CLEC16A: variants seen among roughly 807,000 people sequenced by gnomAD.
CLEC16A encodes C-type lectin domain containing 16A.
CLEC16A carries 51 observed loss-of-function variants against 109.5 expected under a neutral mutation model. That is an observed-to-expected ratio of 0.47 (90% CI 0.37 to 0.59). The LOEUF (loss-of-function observed/expected upper bound fraction) is 0.59. Among genes scored for constraint, CLEC16A ranks in the 20% least tolerant of loss-of-function variants. The probability of loss-of-function intolerance (pLI) is 0.00; values close to 1 mark genes in which losing one functional copy is unlikely to be tolerated. For missense variants in CLEC16A, 1,339 were observed against 1,394.0 expected, an observed-to-expected ratio of 0.96 and a Z score of 0.63; for synonymous variants, 673 against 564.2, an observed-to-expected ratio of 1.19 and a Z score of -2.73.
chr16:11,014,886 G>A (rs1430302966), intron 11 of CLEC16A, among the ~76,000 whole-genome samples: 1 of 152,204 alleles, frequency 6.6e-6, no homozygotes, highest in Non-Finnish European at 1.5e-5. Context: ...GCACTATGAG[G>A]AGGTTCCCTG....
intron 19 of CLEC16A, among the ~76,000 whole-genome samples, chr16:11,081,917 A>C (rs1185231705): frequency 6.6e-6 from 1 of 152,222 alleles, no homozygotes; most frequent in Non-Finnish European, 1.5e-5. Flanking sequence ...CTGTAGTCCC[A>C]GCTACTTGGG....
At chr16:11,005,450 T>C (rs1209178559) in intron 11 of CLEC16A, among the ~76,000 whole-genome samples, 1 of 152,208 alleles carries the variant, frequency 6.6e-6, no homozygotes, top group Admixed American at 6.5e-5. Flanking sequence ...CAGTTGGTGC[T>C]TCAGGGCTCA....
rs541772696 is a variant in CLEC16A at position 11,065,715 on chromosome 16, G to A, written c.2116+4693G>A. On this transcript the variant is annotated intron_variant, in intron 19 of 23. Coordinates refer to ENST00000409790, the MANE Select transcript of CLEC16A (RefSeq NM_015226.3). The stretch of plus-strand genomic sequence containing the variant: ...TGGGCTGGTTAGGGAAGGCCTCTCT[G>A]AAGAGGTGCTGTGCCAGGAGGGACC... Among the ~76,000 whole-genome samples the A allele has an allele frequency of 2.0e-5, 3 of 152,370 alleles. No homozygotes were observed. In the South Asian group the frequency reaches 6.2e-4, roughly 32 times the overall value.
At chr16:11,026,942 T>C (rs2046439767) in intron 13 of CLEC16A, 15 of 1,203,696 alleles carry the variant, frequency 1.2e-5, no homozygotes, top group South Asian at 3.8e-5. Context: ...AACAGACGTC[T>C]CTATGGTCAA....
chr16:11,060,783 C>G (rs1040219301), intron 18 of CLEC16A, 119 bp from the exon 19 acceptor site: 6 of 1,060,160 alleles, frequency 5.7e-6, no homozygotes, highest in African/African-American at 5.0e-5. Context: ...AAGAGGTGGG[C>G]TTTATTGCGT....
At chr16:10,990,636 G>C (rs1317983479) in intron 10 of CLEC16A, among the ~76,000 whole-genome samples, 1 of 152,244 alleles carries the variant, frequency 6.6e-6, no homozygotes, top group Non-Finnish European at 1.5e-5. Flanking sequence ...GGAGGCAGAT[G>C]GGGAAGAAGC....
At chr16:11,033,174 A>G (rs1394553152) in intron 13 of CLEC16A, among the ~76,000 whole-genome samples, 3 of 152,142 alleles carry the variant, frequency 2.0e-5, no homozygotes, top group Non-Finnish European at 2.9e-5. Flanking sequence ...GGTCGAGTGA[A>G]AGGGACGAGT....
chr16:11,105,098 A>G (rs932204465), intron 19 of CLEC16A, among the ~76,000 whole-genome samples: 15 of 152,232 alleles, frequency 9.9e-5, no homozygotes, highest in African/African-American at 3.6e-4. Flanking sequence ...AATTTTATTT[A>G]CTCATGCTAA....
chr16:11,173,508 G>A (rs146049091), intron 23 of CLEC16A, among the ~76,000 whole-genome samples: 1,549 of 152,244 alleles, frequency 0.01, 23 homozygotes, highest in African/African-American at 0.034. Context: ...TCAAAGGCAC[G>A]GGTCACCAAG....
At chr16:11,043,249 T>C (rs879709886) in intron 15 of CLEC16A, among the ~76,000 whole-genome samples, 2 of 151,864 alleles carry the variant, frequency 1.3e-5, no homozygotes, top group Non-Finnish European at 2.9e-5. Context: ...TGAGACCCTA[T>C]CTCTAAAAAA....
intron 1 of CLEC16A, among the ~76,000 whole-genome samples, chr16:10,950,411 C>T (rs933545692): frequency 7.9e-5 from 12 of 152,182 alleles, no homozygotes; most frequent in Non-Finnish European, 1.0e-4. Flanking sequence ...GCTTGTTCTC[C>T]CCAGTTTAGT....
At chr16:11,029,179 T>G (rs1192514176) in intron 13 of CLEC16A, among the ~76,000 whole-genome samples, 5 of 152,186 alleles carry the variant, frequency 3.3e-5, no homozygotes, top group Admixed American at 3.3e-4. Flanking sequence ...AGCCTTCAGT[T>G]TAGGGCTAAC....
chr16:11,006,700 G>A (rs1208303497), intron 11 of CLEC16A, among the ~76,000 whole-genome samples: 1 of 152,170 alleles, frequency 6.6e-6, no homozygotes, highest in East Asian at 1.9e-4. Context: ...GCATTAGTGT[G>A]TATTGTTTTG....
At chr16:11,056,065 A>G (rs1477559160) in intron 18 of CLEC16A, among the ~76,000 whole-genome samples, 1 of 152,230 alleles carries the variant, frequency 6.6e-6, no homozygotes, top group Non-Finnish European at 1.5e-5. Flanking sequence ...AGGGAAATTC[A>G]TGTTGAAATG....
intron 19 of CLEC16A, among the ~76,000 whole-genome samples, chr16:11,090,992 G>A (rs1258566492): frequency 6.6e-6 from 1 of 151,822 alleles, no homozygotes; most frequent in Non-Finnish European, 1.5e-5. Flanking sequence ...TTGAGATGAG[G>A]TCTCACTACG....
intron 11 of CLEC16A, among the ~76,000 whole-genome samples, chr16:11,004,089 G>A (rs1340027338): frequency 3.9e-5 from 6 of 152,086 alleles, no homozygotes; most frequent in East Asian, 3.9e-4. Context: ...AGGTGCACTC[G>A]TGTGTAGTAC....
intron 13 of CLEC16A, among the ~76,000 whole-genome samples, chr16:11,032,784 G>A (rs2046817982): frequency 6.6e-6 from 1 of 152,214 alleles, no homozygotes; most frequent in African/African-American, 2.4e-5. Context: ...GGGGTGGGAA[G>A]GAGCAGAAAG....
chr16:11,068,371 G>A (rs1000329938), intron 19 of CLEC16A, among the ~76,000 whole-genome samples: 4 of 152,144 alleles, frequency 2.6e-5, no homozygotes, highest in South Asian at 4.2e-4. Flanking sequence ...ATATTTTATC[G>A]TAAAAACCTA....
intron 19 of CLEC16A, among the ~76,000 whole-genome samples, chr16:11,092,360 A>AC (rs1491572162): frequency 1.1e-3 from 117 of 103,512 alleles, no homozygotes; most frequent in East Asian, 7.5e-3. Context: ...AAACAAAAAC[A>AC]AACACACACA....
Sources: allele counts gnomAD v4.1 joint callset (sites outside exome capture counted in the v4.1 genomes callset), GRCh38; gene constraint gnomAD v4.1.1; transcripts MANE v1.5; gene names NCBI Gene and HGNC (gene_info 2026-07-23, HGNC 2026-07-21).